LAMA2: variants seen among roughly 807,000 people sequenced by gnomAD.
LAMA2 encodes laminin subunit alpha 2, also known as laminin subunit alpha-2.
A neutral mutation model predicts 364.8 loss-of-function variants in LAMA2; 269 were observed. The ratio of observed to expected loss-of-function variants is 0.74; its 90% CI spans 0.67 to 0.82. The LOEUF (loss-of-function observed/expected upper bound fraction) is 0.82. LAMA2 is among the 40% of genes least tolerant of loss of function. LAMA2 has a pLI of 0.00. For missense variants in LAMA2, 3,807 were observed against 3,873.2 expected, an observed-to-expected ratio of 0.98 and a Z score of 0.45; for synonymous variants, 1,379 against 1,370.6, an observed-to-expected ratio of 1.01 and a Z score of -0.14.
chr6:129,217,946 G>A (rs1783533897), intron 12 of LAMA2, among the ~76,000 whole-genome samples: 1 of 152,094 alleles, frequency 6.6e-6, no homozygotes, highest in African/African-American at 2.4e-5. Context: ...ACTTGGGCCT[G>A]TAGCCAATAG....
intron 37 of LAMA2, among the ~76,000 whole-genome samples, chr6:129,396,494 C>T (rs766952088): frequency 2.0e-5 from 3 of 151,966 alleles, no homozygotes; most frequent in Non-Finnish European, 4.4e-5. Context: ...TCAAAAGCTA[C>T]GTAAAAATCT....
At chr6:128,956,952 T>G (rs374750539) in intron 1 of LAMA2, among the ~76,000 whole-genome samples, 2 of 152,082 alleles carry the variant, frequency 1.3e-5, no homozygotes, top group South Asian at 2.1e-4. Context: ...GCAGTGCAAT[T>G]CTTTCATAAA....
chr6:129,174,830 C>T (rs554447562), intron 9 of LAMA2, among the ~76,000 whole-genome samples: 3 of 149,594 alleles, frequency 2.0e-5, no homozygotes, highest in African/African-American at 5.1e-5. Context: ...GATCTATCTA[C>T]CTACCTACCT....
chr6:129,342,489 A>C, intron 30 of LAMA2, 22 bp downstream of exon 30: 4 of 1,609,630 alleles, frequency 2.5e-6, no homozygotes, highest in Non-Finnish European at 3.4e-6. Flanking sequence ...AAATATAACC[A>C]TATTTCCCAA....
intron 1 of LAMA2, among the ~76,000 whole-genome samples, chr6:129,013,083 A>C (rs1420582980): frequency 6.6e-6 from 1 of 152,226 alleles, no homozygotes; most frequent in Non-Finnish European, 1.5e-5. Flanking sequence ...AAATGTGGGC[A>C]TACAGGTTTT....
intron 24 of LAMA2, among the ~76,000 whole-genome samples, chr6:129,315,175 G>C (rs1774501059): frequency 6.6e-6 from 1 of 152,152 alleles, no homozygotes; most frequent in African/African-American, 2.4e-5. Context: ...AGGCAATCAT[G>C]ATTTTTGGAG....
At chr6:128,989,418 C>G (rs995499908) in intron 1 of LAMA2, among the ~76,000 whole-genome samples, 1 of 152,140 alleles carries the variant, frequency 6.6e-6, no homozygotes, top group Non-Finnish European at 1.5e-5. Flanking sequence ...GAATTACCTG[C>G]CTAGGCTTTG....
intron 4 of LAMA2, among the ~76,000 whole-genome samples, chr6:129,110,373 C>T (rs1470058744): frequency 6.6e-6 from 1 of 152,036 alleles, no homozygotes; most frequent in African/African-American, 2.4e-5. Flanking sequence ...CACAAGCAAA[C>T]ATTCCATGAT....
intron 4 of LAMA2, among the ~76,000 whole-genome samples, chr6:129,129,825 G>T (rs1033563662): frequency 6.7e-6 from 1 of 149,564 alleles, no homozygotes; most frequent in Admixed American, 6.7e-5. Flanking sequence ...TTGGGAGGCT[G>T]AGGCAGGAGA....
chr6:128,929,558 A>T, intron 1 of LAMA2: 3 of 1,010,288 alleles, frequency 3.0e-6, no homozygotes, highest in Admixed American at 1.7e-5. Flanking sequence ...TTATCTCCAT[A>T]GTCATGAGAC....
rs1782336328 is a variant in LAMA2 at position 129,445,736 on chromosome 6, C to A, written c.6344C>A (p.Pro2115His). ...GACCGGCTAATAGATAAACTCAAAC[C>A]CATCAAGGAACTTGAGGATAACCTA... is the stretch of plus-strand genomic sequence containing the variant. ...EADRLIDKLK[P>H]IKELEDNLKK... is the part of the protein sequence containing the mutation. The change falls in exon 45 of 65, where the codon CCC becomes CAC. Residue 2115 changes from proline (P) to histidine (H), a missense_variant. Coordinates refer to ENST00000421865, the MANE Select transcript of LAMA2 (RefSeq NM_000426.4). 1 of 1,613,338 alleles carries A rather than the reference C, an allele frequency of 6.2e-7. No homozygotes were observed. Among genetic ancestry groups the A allele is most frequent in the Non-Finnish European group, 8.5e-7 (1 of 1,179,410 alleles).
intron 1 of LAMA2, among the ~76,000 whole-genome samples, chr6:128,898,553 G>A (rs1350814604): frequency 6.6e-6 from 1 of 152,032 alleles, no homozygotes; most frequent in Non-Finnish European, 1.5e-5. Flanking sequence ...ACATCTTTTT[G>A]TCCCTATTGC....
chr6:129,356,750 G>A (rs13193413), intron 32 of LAMA2, among the ~76,000 whole-genome samples: 5 of 151,748 alleles, frequency 3.3e-5, no homozygotes, highest in Admixed American at 2.6e-4. Context: ...AATATAAAAC[G>A]AGCTAAAATT....
intron 2 of LAMA2, among the ~76,000 whole-genome samples, chr6:129,056,622 A>G (rs1470155054): frequency 1.3e-5 from 2 of 152,208 alleles, no homozygotes; most frequent in African/African-American, 2.4e-5. Flanking sequence ...AGCTTAAAAC[A>G]TAGTCTTCAT....
At chr6:128,988,078 C>T (rs1783379761) in intron 1 of LAMA2, among the ~76,000 whole-genome samples, 1 of 152,120 alleles carries the variant, frequency 6.6e-6, no homozygotes, top group Admixed American at 6.5e-5. Context: ...GTTGGCCAGG[C>T]TGGTCTCGAA....
intron 12 of LAMA2, among the ~76,000 whole-genome samples, chr6:129,240,543 G>C (rs1023832568): frequency 2.6e-5 from 4 of 152,002 alleles, no homozygotes; most frequent in Non-Finnish European, 4.4e-5. Flanking sequence ...TTGTTCAGCT[G>C]TTGGGACCAT....
intron 1 of LAMA2, among the ~76,000 whole-genome samples, chr6:128,932,196 G>C (rs181981592): frequency 2.5e-3 from 378 of 152,258 alleles, no homozygotes; most frequent in Non-Finnish European, 2.2e-3. Flanking sequence ...CCTCTGTTGT[G>C]AGGAGAATAT....
At position 129,190,315 on chromosome 6, in the gene LAMA2, A is replaced by G. The variant is rs1781457220; in HGVS notation, c.1578A>G (p.Arg526=). 1 of 1,613,600 alleles carries G rather than the reference A, an allele frequency of 6.2e-7. No homozygotes were observed. Among genetic ancestry groups the G allele is most frequent in the Non-Finnish European group, 8.5e-7 (1 of 1,179,574 alleles). The change falls in exon 11 of 65, where the codon AGA becomes AGG. Residue 526 remains arginine, a synonymous_variant. Transcript: ENST00000421865. ...DECFCSGVSN[R]CQSSYWTYGK... The stretch of plus-strand genomic sequence containing the variant: ...GTTTCTGTTCAGGGGTTTCAAACAG[A>G]TGTCAGAGTTCCTACTGGACCTATG...
chr6:129,313,117 A>G lies in LAMA2; in HGVS notation c.3411+20A>G, dbSNP rs2114494687. Reference sequence around the variant, plus strand: ...TGTAAGGTATGTGCTGCTGACATGCAGCTAGGGAAAACCTCCCTCAATTCT... The same window carrying G: ...TGTAAGGTATGTGCTGCTGACATGCGGCTAGGGAAAACCTCCCTCAATTCT... On this transcript the variant is annotated intron_variant, in intron 23 of 64. Transcript: ENST00000421865. 2 of 1,492,988 alleles carry G rather than the reference A, an allele frequency of 1.3e-6. No individual in the cohort carries two copies. Among genetic ancestry groups the G allele is most frequent in the Non-Finnish European group, 1.8e-6 (2 of 1,083,852 alleles). 92.5% of individuals were successfully genotyped at this position (1,492,988 alleles called of 1,614,324 possible). A position where few individuals can be genotyped will look rare whatever the true frequency, so the allele number is the denominator to read the frequency against.
Sources: gnomAD v4.1 joint callset for allele counts (sites outside exome capture counted in the v4.1 genomes callset) on GRCh38, gnomAD v4.1.1 for gene constraint, MANE v1.5 for transcripts, NCBI Gene and HGNC (gene_info 2026-07-23, HGNC 2026-07-21) for gene names.